PPP4C: variants seen among roughly 807,000 people sequenced by gnomAD.
PPP4C encodes the protein serine/threonine-protein phosphatase 4 catalytic subunit.
Under a neutral mutation model 40.5 loss-of-function variants are expected in PPP4C, and 10 were observed. That is an observed-to-expected ratio of 0.25 (90% CI 0.15 to 0.42). The LOEUF (loss-of-function observed/expected upper bound fraction) is 0.42. Among genes scored for constraint, PPP4C ranks in the 10% least tolerant of loss-of-function variants. The pLI, the probability that PPP4C is intolerant of heterozygous loss-of-function variation, is 1.00. For missense variants in PPP4C, 191 were observed against 416.4 expected, an observed-to-expected ratio of 0.46 and a Z score of 4.71; for synonymous variants, 187 against 163.6, an observed-to-expected ratio of 1.14 and a Z score of -1.09.
intron 2 of PPP4C, among the ~76,000 whole-genome samples, chr16:30,077,776 C>T (rs184620942): frequency 2.6e-5 from 4 of 152,320 alleles, no homozygotes; most frequent in African/African-American, 9.6e-5. Flanking sequence ...TGCATTTTAT[C>T]GAATAGGAAG....
chr16:30,078,805 C>T (rs1274467580), intron 2 of PPP4C, among the ~76,000 whole-genome samples: 2 of 152,242 alleles, frequency 1.3e-5, no homozygotes, highest in Admixed American at 6.5e-5. Context: ...ATATGACCCT[C>T]GTCAAGTCAC....
rs767438833 is a variant in PPP4C at position 30,081,337 on chromosome 16, C to T, written c.150+27C>T. The stretch of plus-strand genomic sequence containing the variant: ...TGAGTACCTGCTGTCCCTGCAGAGC[C>T]AGGCCTGGTCTTTCAGGCACATGAA... On this transcript the variant is annotated intron_variant, in intron 3 of 8. Transcript: ENST00000279387. The T allele has an allele frequency of 2.5e-6, 4 of 1,590,728 alleles. No homozygotes were observed. In the South Asian group the frequency reaches 3.3e-5, roughly 13 times the overall value.
At position 30,076,374 on chromosome 16, in the gene PPP4C, G is replaced by A. The variant is rs1567331311; in HGVS notation, c.-4G>A. 2.5e-6 allele frequency: 4 copies of A among 1,612,546 alleles called. No individual in the cohort carries two copies. The highest frequency in any genetic ancestry group is 1.7e-6 in the Non-Finnish European group (2 of 1,179,546). ...CCGACTCTGACCCGCGCCGGGGGTG[G>A]GCCATGGCGGAGATCAGCGACCTGG... On this transcript the variant is annotated 5_prime_UTR_variant, in exon 2 of 9. Transcript: ENST00000279387.
Position 30,083,778 on chromosome 16 carries a change from GAAGGTGA to G in PPP4C, c.602_604+4del. The stretch of plus-strand genomic sequence containing the variant: ...GTGTGACCTCCTCTGGTCTGACCCA[GAAGGTGA>G]GGGCATGTGGGCAGGGGCAGGCAGG... On this transcript the variant is annotated splice_donor_variant and splice_donor_region_variant and coding_sequence_variant and intron_variant, in exon 7 of 9. Coordinates refer to ENST00000279387, the MANE Select transcript of PPP4C (RefSeq NM_002720.3). LOFTEE classifies it high-confidence loss of function. This position sits in a 1 kb window ranked among gnomAD's most constrained non-coding sequence, Gnocchi z 6.3. The G allele has an allele frequency of 6.2e-7, 1 of 1,614,048 alleles. No individual in the cohort carries two copies. The highest frequency in any genetic ancestry group is 1.7e-5 in the Admixed American group (1 of 60,030).
In PPP4C at chr16:30,079,190, C is replaced by CT. The variant is rs60305885; in HGVS notation, c.99-2054dup. On this transcript the variant is annotated intron_variant, in intron 2 of 8. Coordinates refer to ENST00000279387, the MANE Select transcript of PPP4C (RefSeq NM_002720.3). Reference sequence around the variant, plus strand: ...TCTGTAAGCTTTGGTTTCTTTTTTTCTTTTTTTTTTTTTTTGAGACAGAGT... The same window carrying CT: ...TCTGTAAGCTTTGGTTTCTTTTTTTCTTTTTTTTTTTTTTTTGAGACAGAGT... Among the ~76,000 whole-genome samples the CT allele has an allele frequency of 9.6e-3, 1,349 of 140,608 alleles. 11 individuals carry two copies. Among genetic ancestry groups the CT allele is most frequent in the African/African-American group, 0.023 (896 of 38,486 alleles). 92.2% of individuals were successfully genotyped at this position (140,608 alleles called of 152,430 possible). A position where few individuals can be genotyped will look rare whatever the true frequency, so the allele number is the denominator to read the frequency against.
intron 3 of PPP4C, among the ~76,000 whole-genome samples, chr16:30,082,089 G>C (rs1005800000): frequency 6.6e-6 from 1 of 151,962 alleles, no homozygotes; most frequent in African/African-American, 2.4e-5. Context: ...AAAGAAAGGG[G>C]TTATGGGAAG....
rs367755020 is a variant in PPP4C, at chr16:30,085,067, G to A, written c.*5G>A. 99 of 1,606,730 alleles carry A rather than the reference G, an allele frequency of 6.2e-5. No individual in the cohort carries two copies. The highest frequency in any genetic ancestry group is 6.7e-5 in the African/African-American group (5 of 74,720). On this transcript the variant is annotated 3_prime_UTR_variant, in exon 9 of 9. Coordinates refer to ENST00000279387, the MANE Select transcript of PPP4C (RefSeq NM_002720.3). Reference sequence around the variant, plus strand: ...GTGGCCGACTACTTCCTGTGACCCCGCCCGGCCCCTGCCCCCTCCAACCCT... The same window carrying A: ...GTGGCCGACTACTTCCTGTGACCCCACCCGGCCCCTGCCCCCTCCAACCCT...
At chr16:30,084,238 C>CCA (rs146528163) in intron 7 of PPP4C, among the ~76,000 whole-genome samples, 2,407 of 149,380 alleles carry the variant, frequency 0.016, 66 homozygotes, top group African/African-American at 0.057. Context: ...TCCATCACAG[C>CCA]CACACACACG....
intron 2 of PPP4C, among the ~76,000 whole-genome samples, chr16:30,079,597 G>A (rs984814796): frequency 6.6e-6 from 1 of 152,192 alleles, no homozygotes; most frequent in Admixed American, 6.5e-5. Context: ...AAGAAGCAGT[G>A]CAGGTGGGAG....
chr16:30,076,017 C>CGGCGGCGGCGGCGGT lies in PPP4C; in HGVS notation c.-140_-126dup. The CGGCGGCGGCGGCGGT allele has an allele frequency of 2.7e-6, 1 of 369,140 alleles. No individual in the cohort carries two copies. Among genetic ancestry groups the CGGCGGCGGCGGCGGT allele is most frequent in the Non-Finnish European group, 4.9e-6 (1 of 202,030 alleles). 22.9% of individuals were successfully genotyped at this position (369,140 alleles called of 1,614,324 possible). A position where few individuals can be genotyped will look rare whatever the true frequency, so the allele number is the denominator to read the frequency against. The stretch of plus-strand genomic sequence containing the variant: ...GGGCCGGAAGTAGGAGCGGCGGCGG[C>CGGCGGCGGCGGCGGT]GGCGGCGGCGGCGGTCGAAAGCGGA... On this transcript the variant is annotated 5_prime_UTR_variant, in exon 1 of 9. Coordinates refer to ENST00000279387, the MANE Select transcript of PPP4C (RefSeq NM_002720.3).
At chr16:30,078,683 C>T (rs990062478) in intron 2 of PPP4C, among the ~76,000 whole-genome samples, 5 of 150,962 alleles carry the variant, frequency 3.3e-5, no homozygotes, top group African/African-American at 1.2e-4. Flanking sequence ...CACAGAGGTC[C>T]GCAGTGTCTG....
At position 30,085,148 on chromosome 16, in the gene PPP4C, G is replaced by GC; in HGVS notation, c.*86_*87insC. On this transcript the variant is annotated 3_prime_UTR_variant, in exon 9 of 9. Coordinates refer to ENST00000279387, the MANE Select transcript of PPP4C (RefSeq NM_002720.3). Reference sequence around the variant, plus strand: ...TCTTCCTCAGACGGAGGCTGGGCGTGGGGGGGGCTGTCCTGGCTCTGCTGT... The same window carrying GC: ...TCTTCCTCAGACGGAGGCTGGGCGTGCGGGGGGGCTGTCCTGGCTCTGCTGT... The GC allele has an allele frequency of 7.2e-7, 1 of 1,398,358 alleles. No individual in the cohort carries two copies. Among genetic ancestry groups the GC allele is most frequent in the Non-Finnish European group, 9.4e-7 (1 of 1,058,546 alleles). The allele number at this position is 1,398,358 out of a possible 1,614,324, so 86.6% of individuals were successfully genotyped here. A position where few individuals can be genotyped will look rare whatever the true frequency, so the allele number is the denominator to read the frequency against.
chr16:30,076,846 G>C (rs2072411663), intron 2 of PPP4C, among the ~76,000 whole-genome samples: 1 of 152,168 alleles, frequency 6.6e-6, no homozygotes, highest in African/African-American at 2.4e-5. Flanking sequence ...TTTAAGACAG[G>C]AAAGTTAAAG....
At chr16:30,079,083 C>T (rs1442766878) in intron 2 of PPP4C, among the ~76,000 whole-genome samples, 1 of 152,088 alleles carries the variant, frequency 6.6e-6, no homozygotes, top group Non-Finnish European at 1.5e-5. Flanking sequence ...GTGGAAGGGG[C>T]TGGCATAAAT....
Position 30,085,145 on chromosome 16 carries a change from C to CGA in PPP4C, c.*84_*85insAG. On this transcript the variant is annotated 3_prime_UTR_variant, in exon 9 of 9. Transcript: ENST00000279387. ...CCATCTTCCTCAGACGGAGGCTGGG[C>CGA]GTGGGGGGGGCTGTCCTGGCTCTGC... 1.4e-6 allele frequency: 2 copies of CGA among 1,476,224 alleles called. No homozygotes were observed. Among genetic ancestry groups the CGA allele is most frequent in the Non-Finnish European group, 1.8e-6 (2 of 1,094,758 alleles). The allele number at this position is 1,476,224 out of a possible 1,614,324, so 91.4% of individuals were successfully genotyped here. A position where few individuals can be genotyped will look rare whatever the true frequency, so the allele number is the denominator to read the frequency against.
At chr16:30,081,561 A>C in intron 3 of PPP4C, 1 of 352,304 alleles carries the variant, frequency 2.8e-6, no homozygotes, top group South Asian at 4.1e-5. Flanking sequence ...CCTGGCCAAC[A>C]TGGTGAAACC....
rs201867769 is a variant in PPP4C, at chr16:30,082,823, G to A, written c.279G>A (p.Thr93=). The A allele has an allele frequency of 9.5e-5, 154 of 1,614,088 alleles. 1 individual carries two copies. The highest frequency in any genetic ancestry group is 2.6e-4 in the South Asian group (24 of 91,078). Residue 93 remains threonine (T), a synonymous_variant, in exon 5 of 9, where the codon ACG becomes ACA. Transcript: ENST00000279387. ...ACCGTGGCTTCTATAGCGTCGAAACGTTCCTCCTGCTGCTGGCACTTAAGG... is the reference window on the plus strand; with the variant it reads ...ACCGTGGCTTCTATAGCGTCGAAACATTCCTCCTGCTGCTGGCACTTAAGG... ...FVDRGFYSVE[T]FLLLLALKVR...
Position 30,083,638 on chromosome 16 carries a change from C to G in PPP4C, c.478-17C>G. ...TCAGGCCTCAGCCCCGTCCTCTTTCCCTGCTCTCCCCTGTAGATCTTCTGC... is the reference window on the plus strand; with the variant it reads ...TCAGGCCTCAGCCCCGTCCTCTTTCGCTGCTCTCCCCTGTAGATCTTCTGC... On this transcript the variant is annotated splice_polypyrimidine_tract_variant and intron_variant, in intron 6 of 8. Transcript: ENST00000279387. This position sits in a 1 kb window ranked among gnomAD's most constrained non-coding sequence, Gnocchi z 6.3. The G allele has an allele frequency of 6.2e-7, 1 of 1,614,138 alleles. No homozygotes were observed. Among genetic ancestry groups the G allele is most frequent in the Non-Finnish European group, 8.5e-7 (1 of 1,180,016 alleles).
chr16:30,081,094 C>G (rs552971081), intron 2 of PPP4C, 165 bp from the exon 3 acceptor site: 1 of 863,968 alleles, frequency 1.2e-6, no homozygotes, highest in African/African-American at 1.7e-5. Flanking sequence ...AAGGGTGTTG[C>G]ATGCTGAAGG....
Sources: gnomAD v4.1 joint callset for allele counts (sites outside exome capture counted in the v4.1 genomes callset) on GRCh38, gnomAD v4.1.1 for gene constraint, Gnocchi (gnomAD v3.1) non-coding constraint, MANE v1.5 for transcripts, NCBI Gene and HGNC (gene_info 2026-07-23, HGNC 2026-07-21) for gene names.